GOLGA4: variants seen among roughly 807,000 people sequenced by gnomAD.
GOLGA4 encodes golgin subfamily A member 4.
In GOLGA4, 169 loss-of-function variants were observed where a neutral mutation model predicts 265.9. The observed-to-expected ratio is 0.64, with a 90% confidence interval of 0.56 to 0.72. The LOEUF (loss-of-function observed/expected upper bound fraction) is 0.72. Among genes scored for constraint, GOLGA4 ranks in the 30% least tolerant of loss-of-function variants. The pLI is 0.00. For synonymous variants in GOLGA4, 923 were observed against 855.8 expected (o/e 1.08, Z -1.37); for missense variants, 2,482 against 2,483.4 (o/e 1.00, Z 0.01).
intron 2 of GOLGA4, among the ~76,000 whole-genome samples, chr3:37,259,218 G>A (rs2096762725): frequency 6.6e-6 from 1 of 152,122 alleles, no homozygotes; most frequent in Admixed American, 6.6e-5. Flanking sequence ...ATCTCTAGGA[G>A]TTTGTCCATT....
chr3:37,280,911 A>G (rs2096833040), intron 2 of GOLGA4, among the ~76,000 whole-genome samples: 1 of 152,202 alleles, frequency 6.6e-6, no homozygotes, highest in African/African-American at 2.4e-5. Context: ...AATCTCTAGA[A>G]TCCGTGAGCA....
intron 4 of GOLGA4, among the ~76,000 whole-genome samples, chr3:37,286,683 A>G (rs1355708898): frequency 2.0e-5 from 3 of 152,190 alleles, no homozygotes; most frequent in African/African-American, 2.4e-5. Flanking sequence ...CTCAGTCTAC[A>G]GGTTGCTTCC....
In GOLGA4 at chr3:37,337,149, A is replaced by G; in HGVS notation, c.6313A>G (p.Ile2105Val). 6.9e-7 allele frequency: 1 copy of G among 1,440,336 alleles called. No homozygotes were observed. Among genetic ancestry groups the G allele is most frequent in the Non-Finnish European group, 9.6e-7 (1 of 1,039,142 alleles). The allele number at this position is 1,440,336 out of a possible 1,614,324, so 89.2% of individuals were successfully genotyped here. A position where few individuals can be genotyped will look rare whatever the true frequency, so the allele number is the denominator to read the frequency against. ...TTTCTTTCCATTTTTTCAGGTAACA[A>G]TTATGGAGCTACAGGTAAGGCTAGT... ...EENPGNDNVT[I>V]MELQTQLAQK... Residue 2105 changes from isoleucine (I) to valine (V), a missense_variant, in exon 18 of 24, where the codon ATT becomes GTT. Ile to Val is a conservative substitution (Grantham distance 29, BLOSUM62 3). Coordinates refer to ENST00000361924, the MANE Select transcript of GOLGA4 (RefSeq NM_002078.5).
Position 37,302,264 on chromosome 3 carries a change from G to C in GOLGA4, c.1166G>C (p.Ser389Thr). The C allele has an allele frequency of 1.9e-6, 3 of 1,613,144 alleles. No homozygotes were observed. The highest frequency in any genetic ancestry group is 2.5e-6 in the Non-Finnish European group (3 of 1,179,144). Residue 389 changes from serine to threonine, a missense_variant, in exon 10 of 24, where the codon AGT (serine) becomes ACT (threonine). Ser to Thr is a moderately conservative substitution (Grantham distance 58). Transcript: ENST00000361924. The stretch of plus-strand genomic sequence containing the variant: ...GAAGAAGAAATTGCTCAACTCCGTA[G>C]TCGCATCAAACAGATGACTACCCAG... The part of the protein sequence containing the change: ...MKEEEIAQLR[S>T]RIKQMTTQGE...
chr3:37,356,085 T>C (rs1230128269), intron 22 of GOLGA4, among the ~76,000 whole-genome samples: 2 of 152,110 alleles, frequency 1.3e-5, no homozygotes, highest in Non-Finnish European at 2.9e-5. Flanking sequence ...TAACAGATTG[T>C]TTTCTTACAA....
chr3:37,287,304 G>T (rs754753373), intron 4 of GOLGA4, among the ~76,000 whole-genome samples: 2 of 152,236 alleles, frequency 1.3e-5, no homozygotes, highest in Non-Finnish European at 2.9e-5. Flanking sequence ...TCGTGCCATT[G>T]CACTCCAGCC....
intron 2 of GOLGA4, among the ~76,000 whole-genome samples, chr3:37,281,514 C>T (rs2096834539): frequency 1.3e-5 from 2 of 152,186 alleles, no homozygotes; most frequent in South Asian, 4.1e-4. Context: ...AGTTCAGTTA[C>T]ACACTTCACA....
chr3:37,315,195 A>G (rs2096934198), intron 10 of GOLGA4, among the ~76,000 whole-genome samples: 2 of 152,232 alleles, frequency 1.3e-5, no homozygotes, highest in Non-Finnish European at 2.9e-5. Context: ...CATATAAACA[A>G]GTCTTAATAT....
intron 15 of GOLGA4, 118 bp downstream of exon 15, chr3:37,328,655 C>T: frequency 2.1e-6 from 2 of 973,740 alleles, no homozygotes; most frequent in Non-Finnish European, 3.0e-6. Flanking sequence ...AGAAATAATC[C>T]TTGCCCAATA....
At chr3:37,321,574 T>A in intron 12 of GOLGA4, 157 bp from the exon 13 acceptor site, 1 of 624,368 alleles carries the variant, frequency 1.6e-6, no homozygotes. Flanking sequence ...AGTGCCTTGT[T>A]TCTGCAGACT....
chr3:37,326,346 A>G lies in GOLGA4; in HGVS notation c.4460A>G (p.Glu1487Gly), dbSNP rs745912496. 1.9e-6 allele frequency: 3 copies of G among 1,612,496 alleles called. No individual in the cohort carries two copies. Among genetic ancestry groups the G allele is most frequent in the Non-Finnish European group, 2.5e-6 (3 of 1,179,530 alleles). ...KDEQINLLKE[E>G]LDQQNKRFDC... ...GAGCAGATAAATTTATTGAAGGAAGAGCTTGATCAGCAAAATAAAAGATTT... is the reference window on the plus strand; with the variant it reads ...GAGCAGATAAATTTATTGAAGGAAGGGCTTGATCAGCAAAATAAAAGATTT... The change falls in exon 14 of 24, where the codon GAG becomes GGG. Residue 1487 changes from glutamate (E) to glycine (G), a missense_variant. By Grantham distance (98) the Glu-to-Gly change is moderately conservative. This residue lies in a region of GOLGA4 where 942 missense variants were observed against 983.1 expected (regional missense o/e 0.96). Coordinates refer to ENST00000361924, the MANE Select transcript of GOLGA4 (RefSeq NM_002078.5).
rs1183285220 is a variant in GOLGA4 at position 37,366,274 on chromosome 3, T to C, written c.*228T>C. The stretch of plus-strand genomic sequence containing the variant: ...ATAGATTTTATCAGTGGAGAAATGG[T>C]GATAGTTTTTTCTTCAGTTTTCTCT... On this transcript the variant is annotated 3_prime_UTR_variant, in exon 24 of 24. Transcript: ENST00000361924. The C allele has an allele frequency of 1.5e-5, 7 of 454,028 alleles. No individual in the cohort carries two copies. The highest frequency in any genetic ancestry group is 3.9e-5 in the Admixed American group (1 of 25,842). 28.1% of individuals were successfully genotyped at this position (454,028 alleles called of 1,614,324 possible). A position where few individuals can be genotyped will look rare whatever the true frequency, so the allele number is the denominator to read the frequency against.
chr3:37,268,862 G>A (rs1043185685), intron 2 of GOLGA4, among the ~76,000 whole-genome samples: 6 of 152,176 alleles, frequency 3.9e-5, no homozygotes, highest in African/African-American at 9.7e-5. Flanking sequence ...GAGCCACTAC[G>A]CCCAGCCTAG....
intron 3 of GOLGA4, among the ~76,000 whole-genome samples, chr3:37,282,681 C>T (rs2096838014): frequency 6.6e-6 from 1 of 152,172 alleles, no homozygotes; most frequent in South Asian, 2.1e-4. Context: ...CCCATTATTA[C>T]TGATTCTAAA....
intron 2 of GOLGA4, chr3:37,276,130 G>A: frequency 6.2e-7 from 1 of 1,608,646 alleles, no homozygotes; most frequent in Non-Finnish European, 8.5e-7. Context: ...AGTGTAGGGA[G>A]ATGCTTGCTG....
At chr3:37,313,674 A>ATG (rs144916033) in intron 10 of GOLGA4, among the ~76,000 whole-genome samples, 3 of 152,238 alleles carry the variant, frequency 2.0e-5, no homozygotes, top group Non-Finnish European at 4.4e-5. Context: ...CAAATAATGC[A>ATG]TGTGTGTGTG....
At chr3:37,258,118 G>A (rs192422607) in intron 2 of GOLGA4, among the ~76,000 whole-genome samples, 34 of 131,102 alleles carry the variant, frequency 2.6e-4, no homozygotes, top group African/African-American at 7.0e-4. Flanking sequence ...ATATATGTGT[G>A]TATATATATA....
chr3:37,345,994 C>A (rs1480380291), intron 20 of GOLGA4, among the ~76,000 whole-genome samples: 1 of 150,998 alleles, frequency 6.6e-6, no homozygotes, highest in Non-Finnish European at 1.5e-5. Flanking sequence ...TGCTTATTTT[C>A]TGAAAAGTGA....
At chr3:37,365,600 G>A (rs17036278) in intron 23 of GOLGA4, among the ~76,000 whole-genome samples, 5,869 of 152,152 alleles carry the variant, frequency 0.039, 145 homozygotes, top group African/African-American at 0.056. Context: ...ATATTTGTGA[G>A]ATTCAGCCAA....
Sources: gnomAD v4.1 joint callset for allele counts (sites outside exome capture counted in the v4.1 genomes callset) on GRCh38, gnomAD v4.1.1 for gene constraint, gnomAD v4.1.1 regional missense constraint, MANE v1.5 for transcripts, NCBI Gene and HGNC (gene_info 2026-07-23, HGNC 2026-07-21) for gene names.